Variants in FBXL13 observed in about 807,000 individuals in gnomAD.
FBXL13 encodes F-box and leucine-rich repeat protein 13.
A neutral mutation model predicts 83.6 loss-of-function variants in FBXL13; 67 were observed. The observed-to-expected ratio is 0.80, with a 90% CI of 0.66 to 0.98. FBXL13 has a LOEUF of 0.98. Among genes scored for constraint, FBXL13 ranks in the 50% least tolerant of loss-of-function variants. The pLI is 0.00. For synonymous variants in FBXL13, 272 were observed against 299.5 expected, an observed-to-expected ratio of 0.91 and a Z score of 0.95; for missense variants, 822 against 866.5, an observed-to-expected ratio of 0.95 and a Z score of 0.64.
At chr7:102,895,128 A>C (rs1258071652) in intron 11 of FBXL13, among the ~76,000 whole-genome samples, 1 of 152,212 alleles carries the variant, frequency 6.6e-6, no homozygotes, top group East Asian at 1.9e-4. Flanking sequence ...TATGTAGAGA[A>C]TGCTTAGTGA....
intron 6 of FBXL13, among the ~76,000 whole-genome samples, chr7:103,005,959 A>G (rs989140465): frequency 2.0e-4 from 30 of 152,218 alleles, no homozygotes; most frequent in African/African-American, 7.2e-4. Flanking sequence ...CCCACAAGGT[A>G]ACTGGTACCA....
chr7:102,990,658 C>T (rs1278399443), intron 6 of FBXL13, among the ~76,000 whole-genome samples: 1 of 152,130 alleles, frequency 6.6e-6, no homozygotes, highest in Non-Finnish European at 1.5e-5. Flanking sequence ...CTAACCAAGA[C>T]TGAGAGAGAG....
chr7:103,042,550 A>G (rs1442002387), intron 2 of FBXL13, among the ~76,000 whole-genome samples: 3 of 152,074 alleles, frequency 2.0e-5, no homozygotes, highest in African/African-American at 7.2e-5. Flanking sequence ...AGCTGGAGGC[A>G]TCATGGAGAC....
chr7:102,961,714 T>C (rs1375259973), intron 8 of FBXL13, among the ~76,000 whole-genome samples: 89 of 148,052 alleles, frequency 6.0e-4, no homozygotes, highest in African/African-American at 2.1e-3. Flanking sequence ...TTGACAAACC[T>C]GAGAAAAACA....
chr7:102,930,870 T>A (rs1819045257), intron 9 of FBXL13, among the ~76,000 whole-genome samples: 1 of 152,224 alleles, frequency 6.6e-6, no homozygotes, highest in African/African-American at 2.4e-5. Context: ...CTACTTGGTA[T>A]CTCCAGATAG....
At chr7:103,015,037 T>A in intron 6 of FBXL13, among the ~76,000 whole-genome samples, 1 of 151,752 alleles carries the variant, frequency 6.6e-6, no homozygotes, top group East Asian at 1.9e-4. Context: ...CAAGGTTGGT[T>A]CAACACATGC....
Position 103,024,510 on chromosome 7 carries a change from A to G in FBXL13, c.495+553T>C, listed in dbSNP as rs569804496. Among the ~76,000 whole-genome samples, 222 of 139,894 alleles carry G rather than the reference A, an allele frequency of 1.6e-3. 2 individuals are homozygous for G. The highest frequency in any genetic ancestry group is 5.5e-3 in the African/African-American group (206 of 37,182). The allele number at this position is 139,894 out of a possible 152,430, so 91.8% of individuals were successfully genotyped here. ...CCAATGCACTTCCAGCCTGGGCAAC[A>G]AGAGCGAAACTCCATCTCAAAAAAA... On this transcript the variant is annotated intron_variant, in intron 6 of 19. Transcript: ENST00000313221.
At chr7:102,973,644 C>G (rs746808878) in intron 6 of FBXL13, 5 of 766,190 alleles carry the variant, frequency 6.5e-6, no homozygotes, top group South Asian at 1.3e-5. Flanking sequence ...GGAGGGGCTC[C>G]GGTCTTCGTC....
At chr7:102,855,041 C>A (rs576140645) in intron 16 of FBXL13, among the ~76,000 whole-genome samples, 181 bp from the exon 18 acceptor site, 2 of 152,076 alleles carry the variant, frequency 1.3e-5, no homozygotes, top group Non-Finnish European at 1.5e-5. Context: ...TTAGGCAATG[C>A]CATTAAGTAA....
rs546547311 is a variant in FBXL13 at position 102,955,584 on chromosome 7, A to C, written c.724+7949T>G. On this transcript the variant is annotated intron_variant, in intron 8 of 19. Transcript: ENST00000313221. ...GACACAAAAAACCATTCAAAAAAAA[A>C]CAATGAATCCAGGAGTTTTTTTTTT... Among the ~76,000 whole-genome samples the C allele has an allele frequency of 5.9e-5, 9 of 151,864 alleles. No individual in the cohort carries two copies. In the South Asian group the frequency reaches 1.0e-3, roughly 18 times the overall value.
In FBXL13 at chr7:102,903,943, T is replaced by TC. The variant is rs3045671; in HGVS notation, c.1008+9142_1008+9143insG. Among the ~76,000 whole-genome samples, 597 of 134,224 alleles carry TC rather than the reference T, an allele frequency of 4.4e-3. 6 individuals carry two copies. Among genetic ancestry groups the TC allele is most frequent in the South Asian group, 0.015 (65 of 4,422 alleles). The allele number at this position is 134,224 out of a possible 152,430, so 88.1% of individuals were successfully genotyped here. A position where few individuals can be genotyped will look rare whatever the true frequency, so the allele number is the denominator to read the frequency against. On this transcript the variant is annotated intron_variant, in intron 11 of 19. Transcript: ENST00000313221. ...CCTGTAGTTTTCTTTTCTTTTCTTT[T>TC]TTTTTTTTTTTTTTTTTTTGCTGTA...
At chr7:102,865,597 A>G (rs899522331) in intron 16 of FBXL13, among the ~76,000 whole-genome samples, 1 of 152,066 alleles carries the variant, frequency 6.6e-6, no homozygotes, top group African/African-American at 2.4e-5. Context: ...GCTGGAGTGC[A>G]ATGGCGTGAT....
chr7:102,922,765 G>A (rs1162755387), intron 10 of FBXL13, among the ~76,000 whole-genome samples: 1 of 151,990 alleles, frequency 6.6e-6, no homozygotes, highest in African/African-American at 2.4e-5. Context: ...GAGGTCAGGA[G>A]ATCGAGACCA....
intron 2 of FBXL13, among the ~76,000 whole-genome samples, chr7:103,048,654 A>T (rs1207943735): frequency 6.6e-6 from 1 of 152,210 alleles, no homozygotes; most frequent in Non-Finnish European, 1.5e-5. Flanking sequence ...AGAGCAGATT[A>T]GTGCTTTAAG....
chr7:102,939,714 T>A, intron 8 of FBXL13: 2 of 836,016 alleles, frequency 2.4e-6, no homozygotes, highest in Non-Finnish European at 3.6e-6. Context: ...AAGTTTTAAT[T>A]AAACATGACA....
chr7:102,893,498 G>C (rs56692051), intron 11 of FBXL13, among the ~76,000 whole-genome samples: 23,596 of 152,202 alleles, frequency 0.16, 1,863 homozygotes, highest in Middle Eastern at 0.21. Flanking sequence ...TGGGCGCGGT[G>C]GCTCGCGCCT....
intron 11 of FBXL13, among the ~76,000 whole-genome samples, chr7:102,894,653 C>T (rs1365416380): frequency 6.6e-6 from 1 of 151,244 alleles, no homozygotes; most frequent in Non-Finnish European, 1.5e-5. Flanking sequence ...CCCTTGAGCC[C>T]AGGAGTTTGA....
At chr7:102,960,799 A>C (rs1234097328) in intron 8 of FBXL13, among the ~76,000 whole-genome samples, 6 of 151,666 alleles carry the variant, frequency 4.0e-5, no homozygotes, top group Non-Finnish European at 8.9e-5. Flanking sequence ...TCATGCTAAA[A>C]ACTCTCAATA....
intron 9 of FBXL13, among the ~76,000 whole-genome samples, chr7:102,931,620 C>A (rs1245057732): frequency 6.6e-6 from 1 of 152,114 alleles, no homozygotes; most frequent in Non-Finnish European, 1.5e-5. Flanking sequence ...ACACACATAC[C>A]ATTAAATATA....
Sources: gnomAD v4.1 joint callset for allele counts (sites outside exome capture counted in the v4.1 genomes callset) on GRCh38, gnomAD v4.1.1 for gene constraint, MANE v1.5 for transcripts, NCBI Gene and HGNC (gene_info 2026-07-23, HGNC 2026-07-21) for gene names.